USP34: variants seen among roughly 807,000 people sequenced by gnomAD.
The protein encoded by USP34 is ubiquitin carboxyl-terminal hydrolase 34.
Under a neutral mutation model 460.3 loss-of-function variants are expected in USP34, and 70 were observed. That is an observed-to-expected ratio of 0.15 (90% CI 0.13 to 0.19). USP34 has a LOEUF of 0.19. Ranked by LOEUF, USP34 falls within the 10% of genes least tolerant of loss-of-function variation. The probability of loss-of-function intolerance (pLI) is 1.00; values close to 1 mark genes in which losing one functional copy is unlikely to be tolerated. For missense variants in USP34, 3,985 were observed against 4,236.2 expected, an observed-to-expected ratio of 0.94 and a Z score of 1.65; for synonymous variants, 1,647 against 1,405.3, an observed-to-expected ratio of 1.17 and a Z score of -3.85.
At chr2:61,416,674 T>C (rs950424987) in intron 2 of USP34, among the ~76,000 whole-genome samples, 20 of 152,202 alleles carry the variant, frequency 1.3e-4, no homozygotes, top group African/African-American at 4.8e-4. Flanking sequence ...TTCCCTAATT[T>C]AGTCTTGAAT....
chr2:61,189,229 G>A (rs912759837), intron 78 of USP34, 160 bp from the exon 79 acceptor site: 1 of 723,678 alleles, frequency 1.4e-6, no homozygotes, highest in Non-Finnish European at 2.2e-6. Context: ...CAGAAAGCCA[G>A]TGTTAAGATA....
At chr2:61,456,976 G>T (rs1421314378) in intron 1 of USP34, among the ~76,000 whole-genome samples, 1 of 151,668 alleles carries the variant, frequency 6.6e-6, no homozygotes, top group Admixed American at 6.6e-5. Context: ...GCAAGACTCT[G>T]TCTGAAAAAA....
chr2:61,336,458 A>G (rs1029844810), intron 18 of USP34, among the ~76,000 whole-genome samples: 1 of 151,656 alleles, frequency 6.6e-6, no homozygotes, highest in African/African-American at 2.4e-5. Flanking sequence ...CCTACCTATA[A>G]AAGAAGTATG....
At chr2:61,437,074 T>A (rs1694834285) in intron 1 of USP34, among the ~76,000 whole-genome samples, 1 of 152,118 alleles carries the variant, frequency 6.6e-6, no homozygotes, top group Non-Finnish European at 1.5e-5. Flanking sequence ...TTTATAGTAA[T>A]AAATGCCTAT....
intron 2 of USP34, among the ~76,000 whole-genome samples, chr2:61,410,216 T>G (rs1693998477): frequency 1.3e-5 from 2 of 152,220 alleles, no homozygotes. Context: ...GTGGGAGCCC[T>G]GAGCTTGTTT....
intron 1 of USP34, among the ~76,000 whole-genome samples, chr2:61,434,557 G>A (rs972608858): frequency 1.3e-5 from 2 of 152,134 alleles, no homozygotes; most frequent in African/African-American, 4.8e-5. Context: ...TTGAGAAACA[G>A]CCCAATGAGC....
rs756971626 is a variant in USP34, at chr2:61,339,557, A to G, written c.2616+9T>C. 2 of 1,567,786 alleles carry G rather than the reference A, an allele frequency of 1.3e-6. No homozygotes were observed. The highest frequency in any genetic ancestry group is 1.2e-5 in the South Asian group (1 of 81,158). On this transcript the variant is annotated intron_variant, in intron 17 of 79. Transcript: ENST00000398571. ...TTTCTTACTCTTCTGGTTCTATTAA[A>G]TAACTTACTGCATCTTCATCTTGGA...
At position 61,188,203 on chromosome 2, in the gene USP34, T is replaced by A; in HGVS notation, c.10540A>T (p.Met3514Leu). 1.2e-6 allele frequency: 2 copies of A among 1,614,160 alleles called. No individual in the cohort carries two copies. Among genetic ancestry groups the A allele is most frequent in the East Asian group, 2.2e-5 (1 of 44,874 alleles). ...GTATCTAAAATGTCATGTTGCTGCA[T>A]ATGACTAAAGAGTCCTCTGGAATGG... ...CGHSRGLFSH[M>L]QQHDILDTLC... Residue 3514 changes from methionine (M) to leucine (L), a missense_variant, in exon 80 of 80, where the codon ATG (methionine) becomes TTG (leucine). Coordinates refer to ENST00000398571, the MANE Select transcript of USP34 (RefSeq NM_014709.4).
rs557153470 is a variant in USP34 at position 61,412,369 on chromosome 2, T to C, written c.132-6241A>G. On this transcript the variant is annotated intron_variant, in intron 2 of 79. Coordinates refer to ENST00000398571, the MANE Select transcript of USP34 (RefSeq NM_014709.4). ...AAATAAGAATGAAATGTTATGAAAA[T>C]ATAAATTCAGATTACACAACAGGGC... Among the ~76,000 whole-genome samples the C allele has an allele frequency of 1.6e-4, 25 of 151,996 alleles. No homozygotes were observed. The South Asian group carries it at 4.4e-3, about 27-fold the overall frequency.
intron 1 of USP34, among the ~76,000 whole-genome samples, chr2:61,469,323 G>C (rs1192311119): frequency 6.6e-6 from 1 of 152,162 alleles, no homozygotes; most frequent in African/African-American, 2.4e-5. Flanking sequence ...CACACGACTT[G>C]TATGTGAGAT....
intron 2 of USP34, among the ~76,000 whole-genome samples, chr2:61,412,287 A>T (rs548575389): frequency 3.0e-5 from 1 of 33,080 alleles, no homozygotes; most frequent in African/African-American, 1.2e-4. Flanking sequence ...TACAAAAAGG[A>T]AAAAAAGATT....
At chr2:61,458,174 C>T (rs935167338) in intron 1 of USP34, among the ~76,000 whole-genome samples, 2 of 152,014 alleles carry the variant, frequency 1.3e-5, no homozygotes, top group Middle Eastern at 3.2e-3. Context: ...GTGGTAAATG[C>T]TATGAATAAA....
intron 69 of USP34, among the ~76,000 whole-genome samples, chr2:61,210,756 G>A (rs925418880): frequency 1.3e-5 from 2 of 151,980 alleles, no homozygotes; most frequent in African/African-American, 4.8e-5. Context: ...CTGTCACCCA[G>A]GCTGGAGTAC....
At chr2:61,370,866 C>A (rs143606212) in intron 8 of USP34, among the ~76,000 whole-genome samples, 118 of 152,326 alleles carry the variant, frequency 7.7e-4, no homozygotes, top group Non-Finnish European at 8.4e-4. Context: ...TTATCCTACT[C>A]GAGGTCTTTG....
intron 1 of USP34, among the ~76,000 whole-genome samples, chr2:61,458,116 G>A (rs947721124): frequency 1.3e-5 from 2 of 152,004 alleles, no homozygotes; most frequent in African/African-American, 4.8e-5. Flanking sequence ...TAGTCTCATA[G>A]AATAAAAAAA....
intron 1 of USP34, among the ~76,000 whole-genome samples, chr2:61,438,314 TA>T (rs946917593): frequency 6.7e-5 from 10 of 148,870 alleles, no homozygotes; most frequent in Non-Finnish European, 1.2e-4. Context: ...CATTCGTGAT[TA>T]AAAAAAAAAC....
intron 5 of USP34, among the ~76,000 whole-genome samples, chr2:61,389,730 C>A (rs2103888364): frequency 6.6e-6 from 1 of 152,116 alleles, no homozygotes; most frequent in East Asian, 1.9e-4. Flanking sequence ...TACAGTGTGT[C>A]CTTTATCATT....
At chr2:61,364,315 G>C (rs1330754853) in intron 10 of USP34, among the ~76,000 whole-genome samples, 1 of 152,196 alleles carries the variant, frequency 6.6e-6, no homozygotes, top group Non-Finnish European at 1.5e-5. Context: ...GCAGTGAGCT[G>C]TAATTGTGCT....
At chr2:61,275,387 C>T (rs759444416) in intron 41 of USP34, among the ~76,000 whole-genome samples, 12 of 152,250 alleles carry the variant, frequency 7.9e-5, no homozygotes, top group Middle Eastern at 3.4e-3. Flanking sequence ...GAGGCCAAGA[C>T]GGGAGGATCA....
Sources: gnomAD v4.1 joint callset for allele counts (sites outside exome capture counted in the v4.1 genomes callset) on GRCh38, gnomAD v4.1.1 for gene constraint, MANE v1.5 for transcripts, NCBI Gene and HGNC (gene_info 2026-07-23, HGNC 2026-07-21) for gene names.